PKP4: variants seen among roughly 807,000 people sequenced by gnomAD.
PKP4 encodes plakophilin 4.
A neutral mutation model predicts 145.1 loss-of-function variants in PKP4; 90 were observed. The ratio of observed to expected loss-of-function variants is 0.62; its 90% CI spans 0.52 to 0.74. The LOEUF is 0.74. Ranked by LOEUF, PKP4 falls within the 30% of genes least tolerant of loss-of-function variation. The pLI is 0.00. For missense variants in PKP4, 1,340 were observed against 1,482.7 expected (o/e 0.90, Z 1.58); for synonymous variants, 563 against 577.2 (o/e 0.98, Z 0.35).
chr2:158,490,736 A>ATCTGACCACCTCCTGTTTAT (rs556496376), intron 1 of PKP4, among the ~76,000 whole-genome samples: 424 of 152,258 alleles, frequency 2.8e-3, no homozygotes, highest in African/African-American at 9.9e-3. Flanking sequence ...TGGAAGACTG[A>ATCTGACCACCTCCTGTTTAT]TCTGACCACC....
intron 1 of PKP4, among the ~76,000 whole-genome samples, chr2:158,511,088 C>G (rs2105526959): frequency 6.6e-6 from 1 of 152,240 alleles, no homozygotes; most frequent in Non-Finnish European, 1.5e-5. Flanking sequence ...CAGAGCTCTG[C>G]CGAAACTCAC....
At chr2:158,601,611 T>G (rs1309645196) in intron 3 of PKP4, among the ~76,000 whole-genome samples, 6 of 152,088 alleles carry the variant, frequency 3.9e-5, no homozygotes, top group African/African-American at 1.4e-4. Context: ...CAGCTAAGAG[T>G]GTTTCAGATA....
At chr2:158,657,576 C>T (rs947333207) in intron 11 of PKP4, among the ~76,000 whole-genome samples, 1 of 152,142 alleles carries the variant, frequency 6.6e-6, no homozygotes, top group African/African-American at 2.4e-5. Context: ...AACAAACATC[C>T]ATGCCAGGAA....
At chr2:158,459,789 TCACACACA>T (rs3047993) in intron 1 of PKP4, among the ~76,000 whole-genome samples, 5 of 148,806 alleles carry the variant, frequency 3.4e-5, no homozygotes, top group East Asian at 3.9e-4. Context: ...GATGTATGGA[TCACACACA>T]CACACACACA....
At chr2:158,561,388 T>TAGA (rs1395879606) in intron 2 of PKP4, among the ~76,000 whole-genome samples, 13 of 152,214 alleles carry the variant, frequency 8.5e-5, no homozygotes, top group African/African-American at 2.9e-4. Context: ...TCACACACCT[T>TAGA]AGGTCTTTTG....
At chr2:158,555,463 AC>A (rs2046009717) in intron 2 of PKP4, among the ~76,000 whole-genome samples, 1 of 152,238 alleles carries the variant, frequency 6.6e-6, no homozygotes, top group South Asian at 2.1e-4. Flanking sequence ...GACACACACC[AC>A]TGGATAGCTC....
At chr2:158,624,448 C>T (rs1055060863) in intron 6 of PKP4, among the ~76,000 whole-genome samples, 1 of 152,152 alleles carries the variant, frequency 6.6e-6, no homozygotes, top group African/African-American at 2.4e-5. Context: ...TTTTGTTTTA[C>T]ATAAATGCAT....
At chr2:158,673,101 T>C (rs2057709404) in intron 17 of PKP4, among the ~76,000 whole-genome samples, 2 of 152,176 alleles carry the variant, frequency 1.3e-5, no homozygotes, top group South Asian at 4.1e-4. Context: ...CGGAATCCAG[T>C]TGGCTATGCT....
At chr2:158,680,356 C>G in intron 21 of PKP4, 73 bp from the exon 22 acceptor site, 2 of 1,106,812 alleles carry the variant, frequency 1.8e-6, no homozygotes, top group Non-Finnish European at 2.6e-6. Flanking sequence ...GCAGGAAGCC[C>G]ACATTAATTT....
At chr2:158,547,806 G>T (rs2045216346) in intron 2 of PKP4, among the ~76,000 whole-genome samples, 1 of 152,178 alleles carries the variant, frequency 6.6e-6, no homozygotes. Context: ...ACTCCAGTAT[G>T]CAGCTTAATA....
At chr2:158,534,884 C>T (rs2043898892) in intron 2 of PKP4, among the ~76,000 whole-genome samples, 1 of 152,084 alleles carries the variant, frequency 6.6e-6, no homozygotes, top group Non-Finnish European at 1.5e-5. Context: ...TTCAGCTTCT[C>T]AAGGCAGCCA....
intron 3 of PKP4, among the ~76,000 whole-genome samples, chr2:158,593,587 A>G (rs1367257728): frequency 6.6e-6 from 1 of 152,178 alleles, no homozygotes; most frequent in Non-Finnish European, 1.5e-5. Flanking sequence ...AATATTTAAC[A>G]TCTTCTGAAA....
At chr2:158,528,611 A>T (rs2043191422) in intron 1 of PKP4, among the ~76,000 whole-genome samples, 1 of 129,830 alleles carries the variant, frequency 7.7e-6, no homozygotes, top group African/African-American at 2.9e-5. Flanking sequence ...CAATGTGCAC[A>T]TGTACCCTAG....
At chr2:158,660,511 CAG>C (rs1381084757) in intron 12 of PKP4, 1 of 152,568 alleles carries the variant, frequency 6.6e-6, no homozygotes, top group Non-Finnish European at 1.5e-5. Flanking sequence ...AGAGGCAGGG[CAG>C]ATGAGAGCCG....
At chr2:158,578,229 C>T (rs1219791642) in intron 3 of PKP4, 5 of 234,442 alleles carry the variant, frequency 2.1e-5, no homozygotes, top group Non-Finnish European at 3.7e-5. Flanking sequence ...TCTGTTGTTT[C>T]TGATTGTTGG....
At chr2:158,550,258 A>G (rs1258263407) in intron 2 of PKP4, among the ~76,000 whole-genome samples, 1 of 151,590 alleles carries the variant, frequency 6.6e-6, no homozygotes, top group Non-Finnish European at 1.5e-5. Flanking sequence ...CCAGAGTTGT[A>G]AGAATGTCAC....
chr2:158,478,935 G>T (rs886326950), intron 1 of PKP4, among the ~76,000 whole-genome samples: 2 of 152,108 alleles, frequency 1.3e-5, no homozygotes, highest in African/African-American at 4.8e-5. Context: ...GCTTTTAGAT[G>T]TGGAAAATCT....
chr2:158,474,770 G>T (rs186427568), intron 1 of PKP4, among the ~76,000 whole-genome samples: 4 of 152,016 alleles, frequency 2.6e-5, no homozygotes, highest in Non-Finnish European at 2.9e-5. Context: ...CCCCAGCCCC[G>T]CACTCAGTGG....
At chr2:158,651,392 A>G (rs974999817) in intron 11 of PKP4, among the ~76,000 whole-genome samples, 1 of 151,382 alleles carries the variant, frequency 6.6e-6, no homozygotes, top group African/African-American at 2.4e-5. Flanking sequence ...TCCCTCCTCC[A>G]TCCTGTCCTG....
Sources: gnomAD v4.1 joint callset for allele counts (sites outside exome capture counted in the v4.1 genomes callset) on GRCh38, gnomAD v4.1.1 for gene constraint, MANE v1.5 for transcripts, NCBI Gene and HGNC (gene_info 2026-07-23, HGNC 2026-07-21) for gene names.